NBEA: variants seen among roughly 807,000 people sequenced by gnomAD.
NBEA encodes the protein neurobeachin.
NBEA carries 44 observed loss-of-function variants against 343.4 expected under a neutral mutation model. The ratio of observed to expected loss-of-function variants is 0.13; its 90% CI spans 0.10 to 0.16. NBEA has a LOEUF of 0.16. Ranked by LOEUF, NBEA falls within the 10% of genes least tolerant of loss-of-function variation. The probability of loss-of-function intolerance (pLI) is 1.00; values close to 1 mark genes in which losing one functional copy is unlikely to be tolerated. For missense variants in NBEA, 2,555 were observed against 3,631.3 expected, an observed-to-expected ratio of 0.70 and a Z score of 7.62; for synonymous variants, 1,175 against 1,238.7, an observed-to-expected ratio of 0.95 and a Z score of 1.08.
intron 7 of NBEA, among the ~76,000 whole-genome samples, chr13:35,056,967 C>T (rs2063291192): frequency 6.6e-6 from 1 of 152,006 alleles, no homozygotes; most frequent in Non-Finnish European, 1.5e-5. Flanking sequence ...TAGTGTCTAC[C>T]AGTATATTAG....
At chr13:35,258,700 A>G (rs1042663830) in intron 34 of NBEA, among the ~76,000 whole-genome samples, 2 of 152,196 alleles carry the variant, frequency 1.3e-5, no homozygotes, top group African/African-American at 2.4e-5. Flanking sequence ...GGCTGTGACT[A>G]TTATACTACA....
At chr13:35,468,129 C>CCCCCCT (rs2075476894) in intron 40 of NBEA, among the ~76,000 whole-genome samples, 1 of 149,506 alleles carries the variant, frequency 6.7e-6, no homozygotes, top group African/African-American at 2.5e-5. Context: ...ACTCCCCTCC[C>CCCCCCT]CTGAAAATGA....
rs533105162 is a variant in NBEA at position 35,302,856 on chromosome 13, A to G, written c.5839-6672A>G. On this transcript the variant is annotated intron_variant, in intron 35 of 58. Coordinates refer to ENST00000379939, the MANE Select transcript of NBEA (RefSeq NM_001385012.1). ...AAAACCTGTCTCTTCCTTTAAAAAT[A>G]CAGTACTTAAAATCTAATTATATAA... is the stretch of plus-strand genomic sequence containing the variant. 9.2e-5 allele frequency among the ~76,000 whole-genome samples: 14 copies of G among 152,290 alleles called. No homozygotes were observed. The South Asian group carries it at 2.1e-3, about 23-fold the overall frequency.
At position 35,670,913 on chromosome 13, in the gene NBEA, T is replaced by C; in HGVS notation, c.8826T>C (p.Thr2942=). 1 of 1,595,496 alleles carries C rather than the reference T, an allele frequency of 6.3e-7. No homozygotes were observed. The highest frequency in any genetic ancestry group is 8.5e-7 in the Non-Finnish European group (1 of 1,169,874). Residue 2942 remains threonine, a synonymous_variant, in exon 59 of 59, where the codon ACT becomes ACC. Coordinates refer to ENST00000379939, the MANE Select transcript of NBEA (RefSeq NM_001385012.1). ...DLSHDQRTLI[T]GMASGSIVAF... is the part of the protein sequence containing the mutation. ...TCTGCTTTTCCAGGACTCTGATCAC[T>C]GGCATGGCTTCTGGTAGCATTGTAG...
At chr13:35,242,058 C>T (rs1348538491) in intron 34 of NBEA, among the ~76,000 whole-genome samples, 1 of 151,846 alleles carries the variant, frequency 6.6e-6, no homozygotes, top group African/African-American at 2.4e-5. Context: ...AAAACAACTT[C>T]CAGAAACCAC....
chr13:35,439,490 C>T (rs929855725), intron 39 of NBEA, among the ~76,000 whole-genome samples: 4 of 152,024 alleles, frequency 2.6e-5, no homozygotes, highest in African/African-American at 2.4e-5. Flanking sequence ...CATAAACGAC[C>T]CTTACTCCTT....
intron 17 of NBEA, among the ~76,000 whole-genome samples, chr13:35,124,250 CTTG>C (rs768637131): frequency 3.1e-4 from 45 of 144,998 alleles, no homozygotes; most frequent in East Asian, 1.6e-3. Flanking sequence ...CATTTTCGCC[CTTG>C]TTTTTTTTTT....
Position 35,195,908 on chromosome 13 carries a change from C to A in NBEA, c.4972C>A (p.Pro1658Thr). 6.2e-7 allele frequency: 1 copy of A among 1,611,188 alleles called. No homozygotes were observed. The highest frequency in any genetic ancestry group is 8.5e-7 in the Non-Finnish European group (1 of 1,179,074). ...FPDTIKEKETPTPGEDIQVES... is the reference protein window; with the variant it reads ...FPDTIKEKETTTPGEDIQVES... ...AGACACCATAAAAGAAAAAGAAACA[C>A]CAACTCCTGGTGAAGATATTCAGGT... is the stretch of plus-strand genomic sequence containing the variant. Residue 1658 changes from proline (P) to threonine (T), a missense_variant, in exon 31 of 59, where the codon CCA becomes ACA. Pro to Thr is a conservative substitution (Grantham distance 38). This residue lies in a region of NBEA where 270 missense variants were observed against 293.3 expected (regional missense o/e 0.92). Coordinates refer to ENST00000379939, the MANE Select transcript of NBEA (RefSeq NM_001385012.1).
At chr13:35,168,944 G>T (rs1012165578) in intron 24 of NBEA, 43 bp from the exon 25 acceptor site, 119 of 1,317,884 alleles carry the variant, frequency 9.0e-5, no homozygotes, top group Non-Finnish European at 1.1e-4. Context: ...TCCTTTTCTT[G>T]TACTTTTTGG....
chr13:35,323,906 T>A (rs1159159348), intron 36 of NBEA, among the ~76,000 whole-genome samples: 1 of 152,208 alleles, frequency 6.6e-6, no homozygotes, highest in African/African-American at 2.4e-5. Context: ...CCATTTCTTA[T>A]TTCTTAGAGA....
chr13:35,022,270 A>G (rs1593493797), intron 1 of NBEA, among the ~76,000 whole-genome samples: 1 of 152,216 alleles, frequency 6.6e-6, no homozygotes, highest in African/African-American at 2.4e-5. Flanking sequence ...TGCTTTAAAT[A>G]TATTTGAAAG....
intron 1 of NBEA, among the ~76,000 whole-genome samples, chr13:35,008,543 A>G (rs1344556563): frequency 2.6e-5 from 4 of 152,148 alleles, no homozygotes; most frequent in Non-Finnish European, 5.9e-5. Flanking sequence ...AATATTTTTG[A>G]TCCATAGTTG....
At chr13:35,592,476 G>A (rs2081581765) in intron 46 of NBEA, among the ~76,000 whole-genome samples, 1 of 152,134 alleles carries the variant, frequency 6.6e-6, no homozygotes, top group South Asian at 2.1e-4. Flanking sequence ...ATTGCTATTT[G>A]AGCATACTGG....
chr13:35,108,170 C>T (rs370971938), intron 11 of NBEA, among the ~76,000 whole-genome samples: 10 of 151,734 alleles, frequency 6.6e-5, no homozygotes, highest in African/African-American at 1.7e-4. Flanking sequence ...TGAAGAATAG[C>T]GAGGAAAGAT....
intron 46 of NBEA, chr13:35,593,126 C>G: frequency 2.3e-6 from 1 of 430,100 alleles, no homozygotes. Context: ...AATGACCTGC[C>G]AGAGTTGCAG....
chr13:35,601,877 AT>A (rs1207556740), intron 47 of NBEA, among the ~76,000 whole-genome samples: 3 of 151,648 alleles, frequency 2.0e-5, no homozygotes, highest in Non-Finnish European at 4.4e-5. Context: ...TCTGGGTTTG[AT>A]TTTTGGCCTT....
At chr13:35,005,148 C>T (rs2061274495) in intron 1 of NBEA, among the ~76,000 whole-genome samples, 1 of 151,584 alleles carries the variant, frequency 6.6e-6, no homozygotes, top group Admixed American at 6.6e-5. Context: ...TTGTTCTGGA[C>T]TATCTTTTCA....
intron 18 of NBEA, among the ~76,000 whole-genome samples, chr13:35,148,640 C>T (rs751001522): frequency 3.9e-5 from 6 of 152,164 alleles, no homozygotes; most frequent in Non-Finnish European, 8.8e-5. Flanking sequence ...CATATGCACA[C>T]AGAACTTTTA....
intron 55 of NBEA, among the ~76,000 whole-genome samples, chr13:35,658,948 G>A (rs1474959405): frequency 1.3e-5 from 2 of 152,208 alleles, no homozygotes; most frequent in African/African-American, 4.8e-5. Flanking sequence ...CCTGCCTGTG[G>A]TTTGACATAG....
Sources: allele counts gnomAD v4.1 joint callset (sites outside exome capture counted in the v4.1 genomes callset), GRCh38; gene constraint gnomAD v4.1.1; regional missense constraint gnomAD v4.1.1; transcripts MANE v1.5; gene names NCBI Gene and HGNC (gene_info 2026-07-23, HGNC 2026-07-21).